The following DYRK4 variants were observed in gnomAD, a reference collection of about 807,000 sequenced individuals.
The protein encoded by DYRK4 is dual specificity tyrosine phosphorylation regulated kinase 4, also known as dual specificity tyrosine-phosphorylation-regulated kinase 4.
DYRK4 carries 64 observed loss-of-function variants against 68.3 expected under a neutral mutation model. The ratio of observed to expected loss-of-function variants is 0.94; its 90% CI spans 0.77 to 1.15. DYRK4 has a LOEUF of 1.15. DYRK4 is among the 50% of genes most tolerant of loss of function. DYRK4 has a pLI of 0.00. For missense variants in DYRK4, 740 were observed against 764.7 expected (o/e 0.97, Z 0.38); for synonymous variants, 274 against 289.9 (o/e 0.95, Z 0.56).
chr12:4,563,927 A>C (rs547169970), intron 1 of DYRK4, among the ~76,000 whole-genome samples: 2 of 152,362 alleles, frequency 1.3e-5, no homozygotes, highest in Middle Eastern at 3.4e-3. Context: ...TGAGTGTGAA[A>C]TGGGTTGCCT....
At chr12:4,603,375 T>C (rs12580786) in intron 10 of DYRK4, 169,262 of 477,068 alleles carry the variant, frequency 0.35, 30,480 homozygotes, top group South Asian at 0.44. Context: ...GATTCATCTT[T>C]GTATTCTTCA....
chr12:4,602,330 G>T lies in DYRK4; in HGVS notation c.1126+2542G>T, dbSNP rs1945090793. Reference sequence around the variant, plus strand: ...TTTTCTTCCTCTTCTTCTATTTTCTGTTGCTCTTCCTCTCTTTTCAGCTTT... The same window carrying T: ...TTTTCTTCCTCTTCTTCTATTTTCTTTTGCTCTTCCTCTCTTTTCAGCTTT... On this transcript the variant is annotated intron_variant, in intron 10 of 14. Transcript: ENST00000543431. 3.4e-6 allele frequency: 3 copies of T among 894,846 alleles called. No individual in the cohort carries two copies. The Admixed American group carries it at 5.4e-5, about 16-fold the overall frequency. 55.4% of individuals were successfully genotyped at this position (894,846 alleles called of 1,614,324 possible).
chr12:4,572,672 G>A (rs74672377), intron 2 of DYRK4, among the ~76,000 whole-genome samples: 2,758 of 152,218 alleles, frequency 0.018, 80 homozygotes, highest in African/African-American at 0.062. Flanking sequence ...GAGACCTCAG[G>A]TCATTAAATC....
chr12:4,582,516 A>G (rs4766258), intron 2 of DYRK4, among the ~76,000 whole-genome samples: 73,097 of 152,148 alleles, frequency 0.48, 17,869 homozygotes, highest in Middle Eastern at 0.55. Flanking sequence ...AGAAGAAACC[A>G]GTAAAACAAC....
intron 2 of DYRK4, among the ~76,000 whole-genome samples, chr12:4,578,303 T>C (rs1944808548): frequency 6.7e-6 from 1 of 149,544 alleles, no homozygotes; most frequent in South Asian, 2.1e-4. Flanking sequence ...AGATTTTTTA[T>C]CTCTTTGAAG....
At chr12:4,590,186 A>G in intron 3 of DYRK4, 144 bp from the exon 4 acceptor site, 2 of 1,394,372 alleles carry the variant, frequency 1.4e-6, no homozygotes, top group Non-Finnish European at 1.9e-6. Flanking sequence ...TTTCTTGCCA[A>G]GAACTTTAAG....
chr12:4,611,810 T>A (rs552901077), intron 13 of DYRK4, among the ~76,000 whole-genome samples: 1 of 152,260 alleles, frequency 6.6e-6, no homozygotes, highest in African/African-American at 2.4e-5. Context: ...TGATCATTAG[T>A]TAGTAGCGAT....
At chr12:4,583,968 G>T (rs1244550275) in intron 2 of DYRK4, among the ~76,000 whole-genome samples, 2 of 152,222 alleles carry the variant, frequency 1.3e-5, no homozygotes. Flanking sequence ...CAGCCAGTGG[G>T]ACTGGTCTTG....
rs145737218 is a variant in DYRK4, at chr12:4,589,043, T to C, written c.213+26T>C. 1.6e-4 allele frequency: 247 copies of C among 1,533,780 alleles called. 1 individual carries two copies. In the African/African-American group the frequency reaches 3.0e-3, roughly 19 times the overall value. ...GTAGGGAGTGATGGTCAGCTCCTTTTCTCTAGGAGAGAATGAGGAGAGGTG... is the reference window on the plus strand; with the variant it reads ...GTAGGGAGTGATGGTCAGCTCCTTTCCTCTAGGAGAGAATGAGGAGAGGTG... On this transcript the variant is annotated intron_variant, in intron 3 of 14. Transcript: ENST00000543431.
Position 4,584,552 on chromosome 12 carries a change from C to CTTT in DYRK4, c.133-4366_133-4364dup, listed in dbSNP as rs35018398. Among the ~76,000 whole-genome samples the CTTT allele has an allele frequency of 1.8e-3, 190 of 103,842 alleles. 3 individuals carry two copies. The highest frequency in any genetic ancestry group is 3.3e-3 in the African/African-American group (92 of 27,940). 68.1% of individuals were successfully genotyped at this position (103,842 alleles called of 152,430 possible). On this transcript the variant is annotated intron_variant, in intron 2 of 14. Coordinates refer to ENST00000543431, the MANE Select transcript of DYRK4 (RefSeq NM_001394779.1). ...TTTCCCCCTTCCTTTTCTAATCAGC[C>CTTT]TTTTTTTTTTTTTTTTTTTTTGAGG... is the stretch of plus-strand genomic sequence containing the variant.
At chr12:4,582,004 A>C (rs931164570) in intron 2 of DYRK4, among the ~76,000 whole-genome samples, 3 of 152,226 alleles carry the variant, frequency 2.0e-5, no homozygotes, top group African/African-American at 7.2e-5. Context: ...TTTATACAGT[A>C]TTTTAAATAA....
At chr12:4,599,236 C>A (rs2137382459) in intron 9 of DYRK4, 70 bp downstream of exon 9, 656 of 865,156 alleles carry the variant, frequency 7.6e-4, no homozygotes, top group Non-Finnish European at 1.0e-3. Context: ...GGCCGTGTAA[C>A]AATCACAAAC....
rs531710112 is a variant in DYRK4 at position 4,568,841 on chromosome 12, A to T, written c.132+793A>T. ...ACTTCCAAATCAGGTGTATTTTAAAAATCTAACACCACTCAGTTTGAATTT... is the reference window on the plus strand; with the variant it reads ...ACTTCCAAATCAGGTGTATTTTAAATATCTAACACCACTCAGTTTGAATTT... On this transcript the variant is annotated intron_variant, in intron 2 of 14. Transcript: ENST00000543431. Among the ~76,000 whole-genome samples, 4 of 152,338 alleles carry T rather than the reference A, an allele frequency of 2.6e-5. No homozygotes were observed. In the East Asian group the frequency reaches 7.7e-4, roughly 29 times the overall value.
intron 2 of DYRK4, among the ~76,000 whole-genome samples, chr12:4,578,421 T>A (rs541026520): frequency 8.5e-5 from 13 of 152,338 alleles, no homozygotes; most frequent in African/African-American, 3.1e-4. Context: ...TAATTTCAAC[T>A]GTTATATTTT....
chr12:4,596,312 C>T, intron 7 of DYRK4, 27 bp downstream of exon 7: 5 of 1,613,696 alleles, frequency 3.1e-6, no homozygotes, highest in Non-Finnish European at 4.2e-6. Flanking sequence ...ACATAGGCCA[C>T]AGAGGAGGGA....
At chr12:4,586,705 T>TACACACACACACAC (rs527544594) in intron 2 of DYRK4, among the ~76,000 whole-genome samples, 21 of 77,518 alleles carry the variant, frequency 2.7e-4, no homozygotes, top group African/African-American at 8.6e-4. Flanking sequence ...CTGGGCTGCG[T>TACACACACACACAC]ACACACACAC....
chr12:4,576,916 G>GAT (rs1392653844), intron 2 of DYRK4, among the ~76,000 whole-genome samples: 8 of 152,150 alleles, frequency 5.3e-5, no homozygotes, highest in Non-Finnish European at 1.2e-4. Context: ...TCCCTTCTCA[G>GAT]ATATGTGTTT....
intron 3 of DYRK4, 122 bp downstream of exon 3, chr12:4,589,139 G>A (rs1266634903): frequency 3.7e-6 from 3 of 813,540 alleles, no homozygotes; most frequent in Non-Finnish European, 5.8e-6. Flanking sequence ...CATGATGACA[G>A]CACTCTATCC....
chr12:4,582,172 A>G (rs751372120), intron 2 of DYRK4, among the ~76,000 whole-genome samples: 1 of 152,240 alleles, frequency 6.6e-6, no homozygotes, highest in Non-Finnish European at 1.5e-5. Context: ...GGCCAGGAGC[A>G]GTGGCTCACG....
Sources: gnomAD v4.1 joint callset for allele counts (sites outside exome capture counted in the v4.1 genomes callset) on GRCh38, gnomAD v4.1.1 for gene constraint, MANE v1.5 for transcripts, NCBI Gene and HGNC (gene_info 2026-07-23, HGNC 2026-07-21) for gene names.